Variants in LTBP1 observed in about 807,000 individuals in gnomAD.
The protein encoded by LTBP1 is latent transforming growth factor beta binding protein 1.
Under a neutral mutation model 207.6 loss-of-function variants are expected in LTBP1, and 129 were observed. That is an observed-to-expected ratio of 0.62 (90% CI 0.54 to 0.72). LTBP1 has a LOEUF of 0.72. LTBP1 is among the 30% of genes least tolerant of loss of function. The pLI is 0.00. For missense variants in LTBP1, 2,281 were observed against 2,217.2 expected, an observed-to-expected ratio of 1.03 and a Z score of -0.58; for synonymous variants, 963 against 833.7, an observed-to-expected ratio of 1.16 and a Z score of -2.67.
At chr2:33,152,290 A>T (rs539558708) in intron 5 of LTBP1, among the ~76,000 whole-genome samples, 1 of 152,366 alleles carries the variant, frequency 6.6e-6, no homozygotes, top group East Asian at 1.9e-4. Flanking sequence ...AAGATGATAT[A>T]CAGATGGCCA....
intron 24 of LTBP1, among the ~76,000 whole-genome samples, chr2:33,323,193 G>A (rs2094381035): frequency 1.3e-5 from 2 of 152,130 alleles, no homozygotes; most frequent in African/African-American, 4.8e-5. Flanking sequence ...CTATAGTTAG[G>A]CAAAACCATC....
chr2:33,284,152 A>C (rs6722904), intron 19 of LTBP1, among the ~76,000 whole-genome samples: 5,667 of 152,276 alleles, frequency 0.037, 127 homozygotes, highest in Middle Eastern at 0.11. Flanking sequence ...TGTATTCATG[A>C]CATGTAAGCT....
At chr2:33,395,760 C>G (rs547876563) in intron 32 of LTBP1, among the ~76,000 whole-genome samples, 1 of 149,888 alleles carries the variant, frequency 6.7e-6, no homozygotes, top group African/African-American at 2.4e-5. Flanking sequence ...TTTTGGTGAT[C>G]AAGGAGACCA....
intron 5 of LTBP1, among the ~76,000 whole-genome samples, chr2:33,173,134 A>T (rs9677435): frequency 4.6e-5 from 7 of 151,808 alleles, no homozygotes; most frequent in African/African-American, 9.7e-5. Context: ...AGCTAGCAGA[A>T]GGCAAGAAAT....
intron 31 of LTBP1, among the ~76,000 whole-genome samples, chr2:33,388,636 G>T (rs1222025329): frequency 6.6e-6 from 1 of 152,132 alleles, no homozygotes; most frequent in African/African-American, 2.4e-5. Flanking sequence ...TGATTATTAT[G>T]ACTCTCAGCA....
chr2:32,971,668 T>A (rs1680902799), intron 2 of LTBP1, among the ~76,000 whole-genome samples: 2 of 152,222 alleles, frequency 1.3e-5, no homozygotes, highest in African/African-American at 4.8e-5. Flanking sequence ...AGATTAAATT[T>A]TTGATGTGCT....
chr2:33,204,152 C>T (rs2089628489), intron 7 of LTBP1, among the ~76,000 whole-genome samples: 1 of 152,208 alleles, frequency 6.6e-6, no homozygotes, highest in Non-Finnish European at 1.5e-5. Context: ...AGAGTTCTCT[C>T]CTGAACCTTC....
intron 15 of LTBP1, among the ~76,000 whole-genome samples, chr2:33,269,818 A>G (rs2093274864): frequency 6.6e-6 from 1 of 152,170 alleles, no homozygotes; most frequent in Non-Finnish European, 1.5e-5. Flanking sequence ...TTAAGACAAC[A>G]TTCTCAGGAC....
intron 8 of LTBP1, among the ~76,000 whole-genome samples, chr2:33,220,273 T>C (rs1204673682): frequency 1.3e-5 from 2 of 152,226 alleles, no homozygotes; most frequent in Non-Finnish European, 2.9e-5. Context: ...CTAAATCATA[T>C]TCAGTTTGGA....
intron 2 of LTBP1, among the ~76,000 whole-genome samples, chr2:33,006,781 G>T (rs1311172696): frequency 1.3e-5 from 2 of 151,402 alleles, no homozygotes; most frequent in Non-Finnish European, 2.9e-5. Flanking sequence ...AGCCCTTAAA[G>T]TCCACAATTC....
chr2:33,127,053 A>G (rs545534656), intron 4 of LTBP1, among the ~76,000 whole-genome samples: 2 of 152,306 alleles, frequency 1.3e-5, no homozygotes, highest in East Asian at 1.9e-4. Flanking sequence ...AATATAATGC[A>G]TTCAAGTTAT....
At chr2:33,042,838 T>G (rs1460706481) in intron 3 of LTBP1, among the ~76,000 whole-genome samples, 1 of 152,206 alleles carries the variant, frequency 6.6e-6, no homozygotes, top group East Asian at 1.9e-4. Flanking sequence ...AAAAAAATAT[T>G]TGGCTGATTA....
At position 33,353,270 on chromosome 2, in the gene LTBP1, T is replaced by G. The variant is rs2094807595; in HGVS notation, c.4000+5760T>G. On this transcript the variant is annotated intron_variant, in intron 26 of 33. Coordinates refer to ENST00000404816, the MANE Select transcript of LTBP1 (RefSeq NM_206943.4). The stretch of plus-strand genomic sequence containing the variant: ...CTGGGATTACAGGCGTGAGCCACTG[T>G]GCCCGTCTTCTTGTTGGCCTTTCCT... 2.0e-5 allele frequency among the ~76,000 whole-genome samples: 3 copies of G among 152,198 alleles called. No individual in the cohort carries two copies. In the South Asian group the frequency reaches 6.2e-4, roughly 31 times the overall value.
chr2:32,977,304 A>G (rs1388851477), intron 2 of LTBP1, among the ~76,000 whole-genome samples: 3 of 152,120 alleles, frequency 2.0e-5, no homozygotes, highest in African/African-American at 7.2e-5. Flanking sequence ...CCTGGCTATG[A>G]GCCGACTGGG....
intron 2 of LTBP1, among the ~76,000 whole-genome samples, chr2:32,999,812 A>G (rs1685826508): frequency 7.8e-6 from 1 of 128,108 alleles, no homozygotes; most frequent in African/African-American, 2.7e-5. Flanking sequence ...GACTCTGTCT[A>G]AAAAAAAAAG....
chr2:33,242,567 C>G (rs1395873989), intron 9 of LTBP1, among the ~76,000 whole-genome samples: 1 of 137,958 alleles, frequency 7.2e-6, no homozygotes, highest in Admixed American at 7.6e-5. Flanking sequence ...GCAAAACCAG[C>G]TGTGATTTTT....
At chr2:33,125,495 T>C (rs1464843901) in intron 4 of LTBP1, among the ~76,000 whole-genome samples, 1 of 152,126 alleles carries the variant, frequency 6.6e-6, no homozygotes, top group African/African-American at 2.4e-5. Context: ...GAACATGTTA[T>C]GTGTGTGTAT....
chr2:33,398,024 C>G (rs1258452243), intron 33 of LTBP1, among the ~76,000 whole-genome samples: 1 of 152,148 alleles, frequency 6.6e-6, no homozygotes, highest in East Asian at 1.9e-4. Context: ...GCGTAGGTAT[C>G]TGGTTCCTCT....
At chr2:33,061,920 A>G (rs930272807) in intron 3 of LTBP1, among the ~76,000 whole-genome samples, 2 of 152,218 alleles carry the variant, frequency 1.3e-5, no homozygotes, top group African/African-American at 2.4e-5. Context: ...TTATCTTTCT[A>G]TTAGGAGTGG....
Sources: allele counts gnomAD v4.1 joint callset (sites outside exome capture counted in the v4.1 genomes callset), GRCh38; gene constraint gnomAD v4.1.1; transcripts MANE v1.5; gene names NCBI Gene and HGNC (gene_info 2026-07-23, HGNC 2026-07-21).